The following KCNK10 variants were observed in gnomAD, a reference collection of about 807,000 sequenced individuals.
The protein encoded by KCNK10 is potassium channel subfamily K member 10.
A neutral mutation model predicts 47.7 loss-of-function variants in KCNK10; 25 were observed. The ratio of observed to expected loss-of-function variants is 0.52; its 90% CI spans 0.38 to 0.73. The LOEUF is 0.73. Ranked by LOEUF, KCNK10 falls within the 30% of genes least tolerant of loss-of-function variation. The probability of loss-of-function intolerance (pLI) is 0.00; values close to 1 mark genes in which losing one functional copy is unlikely to be tolerated. For synonymous variants in KCNK10, 303 were observed against 285.6 expected (o/e 1.06, Z -0.61); for missense variants, 563 against 714.5 (o/e 0.79, Z 2.42).
intron 1 of KCNK10, among the ~76,000 whole-genome samples, chr14:88,315,647 A>G (rs567924945): frequency 6.6e-6 from 1 of 152,250 alleles, no homozygotes; most frequent in African/African-American, 2.4e-5. Context: ...AATTGTTGCT[A>G]GCTTGCATGT....
chr14:88,237,907 C>T (rs199685266), intron 3 of KCNK10, among the ~76,000 whole-genome samples: 2 of 152,176 alleles, frequency 1.3e-5, no homozygotes, highest in African/African-American at 4.8e-5. Flanking sequence ...AAAGAGTCAG[C>T]CTATCATTTG....
upstream of KCNK10, chr14:88,326,714 T>G: frequency 2.0e-6 from 1 of 507,724 alleles, no homozygotes. Flanking sequence ...GCTCAAAACC[T>G]GCCCGGCTGG....
At chr14:88,209,340 T>C (rs1885382173) in intron 4 of KCNK10, among the ~76,000 whole-genome samples, 1 of 152,216 alleles carries the variant, frequency 6.6e-6, no homozygotes, top group Admixed American at 6.5e-5. Context: ...TTTTTTCTTC[T>C]TTTTTTACTA....
Position 88,227,481 on chromosome 14 carries a change from T to C in KCNK10, c.575A>G (p.Tyr192Cys). ...TEGGKIFCIL[Y>C]AIFGIPLFGF... is the part of the protein sequence containing the mutation. The stretch of plus-strand genomic sequence containing the variant: ...AAAGAGTGGAATTCCAAAGATGGCA[T>C]ATAAAATACAAAAGATTTTGCCTCC... Residue 192 changes from tyrosine to cysteine, a missense_variant, in exon 4 of 7, where the codon TAT (tyrosine) becomes TGT (cysteine). By Grantham distance (194) the Tyr-to-Cys change is radical. Transcript: ENST00000319231. 1 of 1,613,596 alleles carries C rather than the reference T, an allele frequency of 6.2e-7. No homozygotes were observed. Among genetic ancestry groups the C allele is most frequent in the East Asian group, 2.2e-5 (1 of 44,872 alleles).
At chr14:88,285,870 G>A (rs748944367) in intron 1 of KCNK10, among the ~76,000 whole-genome samples, 11 of 152,062 alleles carry the variant, frequency 7.2e-5, no homozygotes, top group South Asian at 6.2e-4. Flanking sequence ...TATTCCCCCC[G>A]TGAGAACATC....
rs1057144033 is a variant in KCNK10, at chr14:88,227,290, G to C, written c.681+85C>G. 14 of 1,068,350 alleles carry C rather than the reference G, an allele frequency of 1.3e-5. 1 individual carries two copies. Among genetic ancestry groups the C allele is most frequent in the African/African-American group, 1.3e-4 (8 of 61,856 alleles). The allele number at this position is 1,068,350 out of a possible 1,614,324, so 66.2% of individuals were successfully genotyped here. A position where few individuals can be genotyped will look rare whatever the true frequency, so the allele number is the denominator to read the frequency against. On this transcript the variant is annotated intron_variant, in intron 4 of 6. Coordinates refer to ENST00000319231, the MANE Select transcript of KCNK10 (RefSeq NM_138317.3). ...AATTATTCCATTAAAAGCAGACAAT[G>C]CCCCTGATACTGCCTCCTGGATCCT...
intron 2 of KCNK10, among the ~76,000 whole-genome samples, chr14:88,259,324 A>G (rs183268962): frequency 1.1e-3 from 164 of 152,340 alleles, no homozygotes; most frequent in African/African-American, 3.8e-3. Flanking sequence ...TGTGAGAAAG[A>G]CTGTAGATAA....
At chr14:88,289,984 T>C (rs552447071) in intron 1 of KCNK10, among the ~76,000 whole-genome samples, 1 of 152,252 alleles carries the variant, frequency 6.6e-6, no homozygotes, top group East Asian at 1.9e-4. Flanking sequence ...AGAGGCACAC[T>C]GTAGATACTT....
intron 5 of KCNK10, among the ~76,000 whole-genome samples, chr14:88,190,940 A>T (rs1884723307): frequency 6.6e-6 from 1 of 152,108 alleles, no homozygotes; most frequent in Non-Finnish European, 1.5e-5. Context: ...CACTGCTGGG[A>T]TCACACGCCA....
chr14:88,185,464 C>T lies in KCNK10; in HGVS notation c.*71G>A. Reference sequence around the variant, plus strand: ...TAAAAAGTCTGTTTAAGGCACATGTCTCAGTGTGAATATTAAAAACACACA... The same window carrying T: ...TAAAAAGTCTGTTTAAGGCACATGTTTCAGTGTGAATATTAAAAACACACA... On this transcript the variant is annotated 3_prime_UTR_variant, in exon 7 of 7. Transcript: ENST00000319231. The surrounding 1 kb of genome is among the most constrained non-coding windows in gnomAD (Gnocchi z 4.3). 6.5e-7 allele frequency: 1 copy of T among 1,531,222 alleles called. No individual in the cohort carries two copies. Among genetic ancestry groups the T allele is most frequent in the Non-Finnish European group, 8.8e-7 (1 of 1,140,172 alleles). 94.9% of individuals were successfully genotyped at this position (1,531,222 alleles called of 1,614,324 possible).
At chr14:88,274,871 G>A (rs1023925323) in intron 1 of KCNK10, among the ~76,000 whole-genome samples, 2 of 152,118 alleles carry the variant, frequency 1.3e-5, no homozygotes, top group East Asian at 3.9e-4. Context: ...CCACCACCGG[G>A]TCTGAAGGGA....
intron 2 of KCNK10, among the ~76,000 whole-genome samples, chr14:88,256,248 C>T (rs1030611172): frequency 4.6e-5 from 7 of 152,256 alleles, no homozygotes; most frequent in African/African-American, 1.7e-4. Flanking sequence ...ATCCACATAC[C>T]TCATTAGGGT....
chr14:88,221,282 A>G lies in KCNK10; in HGVS notation c.681+6093T>C, dbSNP rs186071294. On this transcript the variant is annotated intron_variant, in intron 4 of 6. Transcript: ENST00000319231. ...ATACCACTGCACTCCAGCCTGGGTG[A>G]CAGAGTGAGACTCTGTCTCAATAAT... 2.5e-3 allele frequency among the ~76,000 whole-genome samples: 360 copies of G among 145,370 alleles called. 3 individuals carry two copies. The highest frequency in any genetic ancestry group is 8.9e-3 in the African/African-American group (337 of 37,776).
intron 3 of KCNK10, among the ~76,000 whole-genome samples, chr14:88,229,013 T>C (rs1886075798): frequency 6.6e-6 from 1 of 152,220 alleles, no homozygotes; most frequent in Non-Finnish European, 1.5e-5. Context: ...TAAATGAGCC[T>C]CTACAGTTTC....
At chr14:88,326,307 G>A, upstream of KCNK10, 2 of 822,056 alleles carry the variant, frequency 2.4e-6, no homozygotes, top group Non-Finnish European at 2.1e-6. Flanking sequence ...CATGGAGTGG[G>A]GATGGAGGGA....
upstream of KCNK10, chr14:88,323,604 C>T: frequency 6.6e-6 from 1 of 151,312 alleles, no homozygotes; most frequent in South Asian, 2.0e-4. Flanking sequence ...GCGGGGAAGC[C>T]GCGGAGGGGC....
Position 88,180,962 on chromosome 14 carries a change from A to G in KCNK10, c.*4573T>C, listed in dbSNP as rs1169183182. 5.0e-6 allele frequency: 2 copies of G among 397,608 alleles called. No homozygotes were observed. The highest frequency in any genetic ancestry group is 7.1e-5 in the East Asian group (2 of 28,180). The allele number at this position is 397,608 out of a possible 1,614,324, so 24.6% of individuals were successfully genotyped here. Reference sequence around the variant, plus strand: ...TTAAGGCCATTACTAGCCAGCTCTTACTGTTCACTCAGCCACTGTCTTTGC... The same window carrying G: ...TTAAGGCCATTACTAGCCAGCTCTTGCTGTTCACTCAGCCACTGTCTTTGC... On this transcript the variant is annotated 3_prime_UTR_variant, in exon 7 of 7. Transcript: ENST00000319231.
intron 1 of KCNK10, among the ~76,000 whole-genome samples, chr14:88,320,563 T>C (rs1339019267): frequency 2.0e-5 from 3 of 152,196 alleles, no homozygotes; most frequent in Non-Finnish European, 4.4e-5. Context: ...AAGTCCTAGA[T>C]TGAACTCATG....
At chr14:88,203,653 C>T (rs1397632095) in intron 4 of KCNK10, among the ~76,000 whole-genome samples, 1 of 152,210 alleles carries the variant, frequency 6.6e-6, no homozygotes, top group African/African-American at 2.4e-5. Context: ...TCCTGAGAAT[C>T]TAGTGTTACC....
Sources: gnomAD v4.1 joint callset for allele counts (sites outside exome capture counted in the v4.1 genomes callset) on GRCh38, gnomAD v4.1.1 for gene constraint, Gnocchi (gnomAD v3.1) non-coding constraint, MANE v1.5 for transcripts, NCBI Gene and HGNC (gene_info 2026-07-23, HGNC 2026-07-21) for gene names.